Variants in LUZP1 observed in about 807,000 individuals in gnomAD.
LUZP1 encodes the protein filamin mechanobinding actin cross-linking protein.
In LUZP1, 25 loss-of-function variants were observed where a neutral mutation model predicts 71.3. That is an observed-to-expected ratio of 0.35 (90% CI 0.26 to 0.49). LUZP1 has a LOEUF of 0.49. LUZP1 is among the 20% of genes least tolerant of loss of function. LUZP1 has a pLI of 0.99. For synonymous variants in LUZP1, 481 were observed against 506.4 expected (o/e 0.95, Z 0.67); for missense variants, 1,142 against 1,300.8 (o/e 0.88, Z 1.88).
chr1:23,145,255 T>C (rs905291840), intron 2 of LUZP1, among the ~76,000 whole-genome samples: 2 of 152,108 alleles, frequency 1.3e-5, no homozygotes, highest in African/African-American at 2.4e-5. Context: ...ATGGATTTCT[T>C]TGTAAAACAA....
chr1:23,116,107 G>A (rs559088565), intron 2 of LUZP1, among the ~76,000 whole-genome samples: 2 of 152,184 alleles, frequency 1.3e-5, no homozygotes, highest in Admixed American at 6.5e-5. Flanking sequence ...CAGGCCAGGT[G>A]CAGTGACTCA....
At chr1:23,149,079 TAAAAAAAAAAAA>T (rs58910170) in intron 2 of LUZP1, among the ~76,000 whole-genome samples, 3 of 37,408 alleles carry the variant, frequency 8.0e-5, no homozygotes, top group Non-Finnish European at 1.4e-4. Flanking sequence ...ACACCTTGCC[TAAAAAAAAAAAA>T]AAAAAAAAAA....
chr1:23,171,852 A>G (rs764921283), intron 1 of LUZP1, among the ~76,000 whole-genome samples: 2 of 152,214 alleles, frequency 1.3e-5, no homozygotes, highest in Non-Finnish European at 2.9e-5. Flanking sequence ...AGAACCCAGG[A>G]CATATAAGGG....
At chr1:23,104,757 T>C (rs1432302841) in intron 3 of LUZP1, among the ~76,000 whole-genome samples, 2 of 152,214 alleles carry the variant, frequency 1.3e-5, no homozygotes, top group Non-Finnish European at 2.9e-5. Context: ...TTGTATTCTG[T>C]ACTGGCCAAA....
chr1:23,146,463 CAT>C (rs1489081604), intron 2 of LUZP1, among the ~76,000 whole-genome samples: 1 of 152,202 alleles, frequency 6.6e-6, no homozygotes, highest in Non-Finnish European at 1.5e-5. Flanking sequence ...TCAGTGTCCT[CAT>C]GTGTAAAATA....
chr1:23,145,396 G>A (rs975817176), intron 2 of LUZP1, among the ~76,000 whole-genome samples: 2 of 151,430 alleles, frequency 1.3e-5, no homozygotes, highest in African/African-American at 4.9e-5. Flanking sequence ...TTTGTTTTGT[G>A]TCATTTAAAG....
intron 2 of LUZP1, among the ~76,000 whole-genome samples, chr1:23,150,756 C>A (rs1048530859): frequency 6.6e-6 from 1 of 152,154 alleles, no homozygotes; most frequent in African/African-American, 2.4e-5. Context: ...ATACCACAGA[C>A]AACAAGTCTT....
chr1:23,141,937 C>T (rs1440344696), intron 2 of LUZP1, among the ~76,000 whole-genome samples: 3 of 151,866 alleles, frequency 2.0e-5, no homozygotes, highest in African/African-American at 2.4e-5. Flanking sequence ...CTCCGCCTCC[C>T]GGGTTCAAGC....
intron 2 of LUZP1, among the ~76,000 whole-genome samples, chr1:23,125,464 T>A (rs1644164960): frequency 6.6e-6 from 1 of 152,226 alleles, no homozygotes; most frequent in Non-Finnish European, 1.5e-5. Flanking sequence ...TTTAAGTGCA[T>A]GTTAGACATT....
chr1:23,125,026 TG>T (rs1372818431), intron 2 of LUZP1, among the ~76,000 whole-genome samples: 9 of 152,200 alleles, frequency 5.9e-5, no homozygotes, highest in African/African-American at 1.9e-4. Flanking sequence ...AAGCTTGAAT[TG>T]CAGATTTTCC....
chr1:23,149,452 A>G (rs1644366757), intron 2 of LUZP1, among the ~76,000 whole-genome samples: 1 of 152,170 alleles, frequency 6.6e-6, no homozygotes, highest in South Asian at 2.1e-4. Flanking sequence ...TCAAACACAT[A>G]TATTTTTAAC....
intron 2 of LUZP1, among the ~76,000 whole-genome samples, chr1:23,116,608 G>A (rs1227931355): frequency 1.3e-5 from 2 of 150,516 alleles, no homozygotes; most frequent in Non-Finnish European, 3.0e-5. Flanking sequence ...GCAAAGAGAA[G>A]AAAAAAGAGA....
At chr1:23,141,588 C>A (rs1557675460) in intron 2 of LUZP1, among the ~76,000 whole-genome samples, 1 of 152,228 alleles carries the variant, frequency 6.6e-6, no homozygotes, top group Non-Finnish European at 1.5e-5. Flanking sequence ...AGCGGTGCAG[C>A]CACCCCTCTG....
chr1:23,165,514 A>AT (rs1644502789), intron 2 of LUZP1, among the ~76,000 whole-genome samples: 1 of 152,108 alleles, frequency 6.6e-6, no homozygotes, highest in East Asian at 1.9e-4. Flanking sequence ...ATCTCTATAA[A>AT]TAAAAAAAAA....
chr1:23,158,165 T>C (rs1644435078), intron 2 of LUZP1, among the ~76,000 whole-genome samples: 1 of 152,318 alleles, frequency 6.6e-6, no homozygotes, highest in East Asian at 1.9e-4. Context: ...ACTGAAATTG[T>C]CTAATTTAAA....
chr1:23,098,547 C>T (rs1163248359), intron 3 of LUZP1, among the ~76,000 whole-genome samples: 3 of 152,102 alleles, frequency 2.0e-5, no homozygotes, highest in African/African-American at 4.8e-5. Flanking sequence ...AGCATGTAAG[C>T]GCCATAAATT....
exon 4 of LUZP1, chr1:23,092,252 A>G: frequency 6.2e-7 from 1 of 1,614,182 alleles, no homozygotes; most frequent in Non-Finnish European, 8.5e-7. Flanking sequence ...CCAACTTGGC[A>G]GTAACAAGAG....
intron 1 of LUZP1, among the ~76,000 whole-genome samples, chr1:23,170,408 T>C (rs1216783529): frequency 1.3e-5 from 2 of 152,146 alleles, no homozygotes; most frequent in Non-Finnish European, 2.9e-5. Context: ...TCAGGCACAG[T>C]GTTCCACAAA....
At chr1:23,146,714 T>C (rs1256821437) in intron 2 of LUZP1, among the ~76,000 whole-genome samples, 1 of 152,162 alleles carries the variant, frequency 6.6e-6, no homozygotes, top group Non-Finnish European at 1.5e-5. Context: ...CAGGATCACC[T>C]GAGCCCGGGA....
Sources: gnomAD v4.1 joint callset for allele counts (sites outside exome capture counted in the v4.1 genomes callset) on GRCh38, gnomAD v4.1.1 for gene constraint, MANE v1.5 for transcripts, NCBI Gene and HGNC (gene_info 2026-07-23, HGNC 2026-07-21) for gene names.